The following DACH2 variants were observed in gnomAD, a reference collection of about 807,000 sequenced individuals.
The protein encoded by DACH2 is dachshund family transcription factor 2.
DACH2 carries 17 observed loss-of-function variants against 35.8 expected under a neutral mutation model. The observed-to-expected ratio is 0.48, with a 90% CI of 0.33 to 0.71. The LOEUF (loss-of-function observed/expected upper bound fraction) is 0.71, where lower values mean the gene tolerates loss of function less well. Ranked by LOEUF, DACH2 falls within the 30% of genes least tolerant of loss-of-function variation. The pLI, the probability that DACH2 is intolerant of heterozygous loss-of-function variation, is 0.02. For synonymous variants in DACH2, 195 were observed against 177.3 expected, an observed-to-expected ratio of 1.10 and a Z score of -0.79; for missense variants, 469 against 472.7, an observed-to-expected ratio of 0.99 and a Z score of 0.07.
intron 2 of DACH2, among the ~76,000 whole-genome samples, chrX:86,452,807 C>T (rs968718117): frequency 9.0e-5 from 10 of 110,608 alleles, no homozygotes; most frequent in Admixed American, 2.9e-4. Flanking sequence ...CTTTTTGTGT[C>T]TCTATATCCT....
At chrX:86,282,043 A>G (rs1213091154) in intron 1 of DACH2, among the ~76,000 whole-genome samples, 3 of 112,463 alleles carry the variant, frequency 2.7e-5, no homozygotes, top group African/African-American at 9.7e-5. Context: ...CAGGTATAGG[A>G]AGAATGAATA....
intron 2 of DACH2, among the ~76,000 whole-genome samples, chrX:86,404,480 T>C (rs1188296196): frequency 1.8e-5 from 2 of 112,045 alleles, no homozygotes; most frequent in African/African-American, 6.5e-5. Flanking sequence ...AACCTTAAAG[T>C]TCCAAAATTA....
At chrX:86,820,542 A>C (rs779080080) in intron 11 of DACH2, among the ~76,000 whole-genome samples, 8 of 110,069 alleles carry the variant, frequency 7.3e-5, no homozygotes, top group Non-Finnish European at 1.5e-4. Flanking sequence ...AAAGATATAA[A>C]AGTCATGATC....
chrX:86,663,874 C>G (rs771466979), intron 4 of DACH2, among the ~76,000 whole-genome samples: 82 of 111,684 alleles, frequency 7.3e-4, no homozygotes, highest in Non-Finnish European at 1.2e-3. Flanking sequence ...AGTGCCTCCT[C>G]TAGGTGATCA....
At chrX:86,794,185 C>T (rs1273297143) in intron 7 of DACH2, among the ~76,000 whole-genome samples, 1 of 110,512 alleles carries the variant, frequency 9.0e-6, no homozygotes, top group Non-Finnish European at 1.9e-5. Context: ...TACATGCATT[C>T]TCTATAAACC....
At chrX:86,180,957 C>T (rs1470073123) in intron 1 of DACH2, among the ~76,000 whole-genome samples, 1 of 110,600 alleles carries the variant, frequency 9.0e-6, no homozygotes, top group Non-Finnish European at 1.9e-5. Flanking sequence ...TCCAAAGGGC[C>T]AAGTTAGCGT....
In DACH2 at chrX:86,605,793, G is replaced by T. The variant is rs754114596; in HGVS notation, c.641-45243G>T. 3.8e-5 allele frequency among the ~76,000 whole-genome samples: 4 copies of T among 106,008 alleles called. No individual in the cohort carries two copies. The South Asian group carries it at 1.6e-3, about 43-fold the overall frequency. 92.1% of individuals were successfully genotyped at this position (106,008 alleles called of 115,157 possible). A position where few individuals can be genotyped will look rare whatever the true frequency, so the allele number is the denominator to read the frequency against. ...TTTTTTTGTCTTTTTTACTCAATTTGGTGTTTTTATTAATCTACTTCAAGT... is the reference window on the plus strand; with the variant it reads ...TTTTTTTGTCTTTTTTACTCAATTTTGTGTTTTTATTAATCTACTTCAAGT... On this transcript the variant is annotated intron_variant, in intron 3 of 11. Coordinates refer to ENST00000373125, the MANE Select transcript of DACH2 (RefSeq NM_053281.3).
chrX:86,539,079 T>C (rs2038843968), intron 3 of DACH2, among the ~76,000 whole-genome samples: 1 of 111,134 alleles, frequency 9.0e-6, no homozygotes. Context: ...CCCACCCAAA[T>C]CTCATCTCGA....
chrX:86,725,448 C>T (rs1321994282), intron 6 of DACH2, among the ~76,000 whole-genome samples: 1 of 111,327 alleles, frequency 9.0e-6, no homozygotes, highest in Non-Finnish European at 1.9e-5. Context: ...GTGATTTCCT[C>T]CGTGGTTAGG....
chrX:86,574,395 C>T (rs781006128), intron 3 of DACH2, among the ~76,000 whole-genome samples: 1 of 111,191 alleles, frequency 9.0e-6, no homozygotes, highest in Non-Finnish European at 1.9e-5. Flanking sequence ...GTGAAGCCTG[C>T]CTGACCCTCC....
In DACH2 at chrX:86,325,094, A is replaced by AG. The variant is rs1481802866; in HGVS notation, c.489-51729dup. ...ACATAACTTTTCTATGCACTGGGAA[A>AG]GAAAAAAAATTGTGACTTGGTTTAT... On this transcript the variant is annotated intron_variant, in intron 1 of 11. Transcript: ENST00000373125. Among the ~76,000 whole-genome samples the AG allele has an allele frequency of 7.3e-5, 3 of 41,057 alleles. No individual in the cohort carries two copies. The African/African-American group carries it at 7.8e-4, about 11-fold the overall frequency. The allele number at this position is 41,057 out of a possible 115,157, so 35.7% of individuals were successfully genotyped here. A position where few individuals can be genotyped will look rare whatever the true frequency, so the allele number is the denominator to read the frequency against.
intron 2 of DACH2, among the ~76,000 whole-genome samples, chrX:86,473,508 C>T (rs973805920): frequency 1.8e-5 from 2 of 111,074 alleles, no homozygotes; most frequent in Non-Finnish European, 3.8e-5. Flanking sequence ...ACTTACCTTC[C>T]TCCCCCATCA....
At chrX:86,216,272 A>G (rs945140970) in intron 1 of DACH2, among the ~76,000 whole-genome samples, 2 of 111,626 alleles carry the variant, frequency 1.8e-5, no homozygotes, top group Non-Finnish European at 3.8e-5. Context: ...GGTTTGTTAC[A>G]TAGGTATACA....
intron 1 of DACH2, among the ~76,000 whole-genome samples, chrX:86,326,275 G>A (rs2035112055): frequency 9.1e-6 from 1 of 110,206 alleles, no homozygotes; most frequent in South Asian, 3.9e-4. Flanking sequence ...AGGAGTTTGA[G>A]AGCAGCCCGG....
intron 2 of DACH2, among the ~76,000 whole-genome samples, chrX:86,491,509 C>A (rs1602577968): frequency 8.9e-6 from 1 of 111,855 alleles, no homozygotes; most frequent in East Asian, 2.8e-4. Flanking sequence ...TAAATGTTTT[C>A]TTTTAGGCAG....
At chrX:86,732,833 T>C (rs2041546868) in intron 6 of DACH2, among the ~76,000 whole-genome samples, 1 of 111,783 alleles carries the variant, frequency 8.9e-6, no homozygotes, top group South Asian at 3.7e-4. Context: ...GCATGAGATA[T>C]AAGTGGCTTC....
At chrX:86,432,650 T>C (rs2037003541) in intron 2 of DACH2, among the ~76,000 whole-genome samples, 1 of 111,921 alleles carries the variant, frequency 8.9e-6, no homozygotes, top group African/African-American at 3.2e-5. Flanking sequence ...AAATGATGCA[T>C]CTCCTTTATA....
intron 1 of DACH2, among the ~76,000 whole-genome samples, chrX:86,238,871 T>G (rs1404130414): frequency 9.0e-6 from 1 of 111,673 alleles, no homozygotes; most frequent in East Asian, 2.8e-4. Context: ...GTTTTTTATT[T>G]AAAAATATCA....
intron 6 of DACH2, among the ~76,000 whole-genome samples, chrX:86,736,882 C>G (rs1054598345): frequency 1.8e-5 from 2 of 111,195 alleles, no homozygotes; most frequent in African/African-American, 6.5e-5. Flanking sequence ...CATTGAATTA[C>G]ACATATTTAA....
Sources: allele counts gnomAD v4.1 joint callset (sites outside exome capture counted in the v4.1 genomes callset), GRCh38; gene constraint gnomAD v4.1.1; transcripts MANE v1.5; gene names NCBI Gene and HGNC (gene_info 2026-07-23, HGNC 2026-07-21).